Variants in GMDS observed in about 807,000 individuals in gnomAD.
GMDS encodes the protein GDP-mannose 4,6-dehydratase.
A neutral mutation model predicts 49.9 loss-of-function variants in GMDS; 20 were observed. The ratio of observed to expected loss-of-function variants is 0.40; its 90% CI spans 0.28 to 0.58. The LOEUF (loss-of-function observed/expected upper bound fraction) is 0.58, where lower values mean the gene tolerates loss of function less well. GMDS is among the 20% of genes least tolerant of loss of function. GMDS has a pLI of 0.42. For missense variants in GMDS, 362 were observed against 481.4 expected (o/e 0.75, Z 2.32); for synonymous variants, 177 against 178.6 (o/e 0.99, Z 0.07).
intron 10 of GMDS, 96 bp downstream of exon 10, chr6:1,624,376 G>C: frequency 7.6e-7 from 1 of 1,322,208 alleles, no homozygotes; most frequent in Non-Finnish European, 1.1e-6. Context: ...TCCGGGCTTT[G>C]GGCATCGCAG....
chr6:1,814,161 C>T (rs1408600261), intron 7 of GMDS, among the ~76,000 whole-genome samples: 7 of 152,142 alleles, frequency 4.6e-5, no homozygotes, highest in Non-Finnish European at 1.0e-4. Flanking sequence ...GCATAAGAGT[C>T]TGATTAAATG....
intron 7 of GMDS, among the ~76,000 whole-genome samples, chr6:1,906,820 G>A (rs943692635): frequency 5.9e-5 from 9 of 152,140 alleles, no homozygotes; most frequent in African/African-American, 1.2e-4. Context: ...TGTTCCCAAC[G>A]GTCCCAGGCT....
chr6:1,822,367 A>T (rs1770936398), intron 7 of GMDS, among the ~76,000 whole-genome samples: 1 of 152,220 alleles, frequency 6.6e-6, no homozygotes, highest in East Asian at 1.9e-4. Flanking sequence ...GGTAAGATTT[A>T]GGTCACATAT....
At chr6:2,209,072 G>A (rs1459949773) in intron 1 of GMDS, among the ~76,000 whole-genome samples, 1 of 152,120 alleles carries the variant, frequency 6.6e-6, no homozygotes, top group African/African-American at 2.4e-5. Context: ...TAAGTGTTCA[G>A]CAGGGCATTG....
At chr6:2,050,095 T>A (rs1012186761) in intron 4 of GMDS, among the ~76,000 whole-genome samples, 3 of 152,064 alleles carry the variant, frequency 2.0e-5, no homozygotes, top group Non-Finnish European at 4.4e-5. Flanking sequence ...CAGGAGCTGG[T>A]TTTTGGAAAA....
intron 4 of GMDS, among the ~76,000 whole-genome samples, chr6:2,047,190 G>C (rs910877069): frequency 6.6e-6 from 1 of 152,178 alleles, no homozygotes; most frequent in Non-Finnish European, 1.5e-5. Flanking sequence ...TATTGTAGCT[G>C]ACACTTGATA....
intron 4 of GMDS, among the ~76,000 whole-genome samples, chr6:2,109,286 G>A (rs1774413366): frequency 6.6e-6 from 1 of 152,182 alleles, no homozygotes; most frequent in Non-Finnish European, 1.5e-5. Flanking sequence ...TTGGGGTGGT[G>A]AGGGTCCAAT....
At chr6:2,100,041 C>G (rs1353724364) in intron 4 of GMDS, among the ~76,000 whole-genome samples, 4 of 152,022 alleles carry the variant, frequency 2.6e-5, no homozygotes, top group African/African-American at 9.7e-5. Context: ...GCCTCACATC[C>G]TATTTTACAG....
chr6:1,795,282 G>T (rs751607079), intron 7 of GMDS, among the ~76,000 whole-genome samples: 1 of 152,114 alleles, frequency 6.6e-6, no homozygotes, highest in Non-Finnish European at 1.5e-5. Context: ...AGACTCTGAG[G>T]TACAGATTTT....
chr6:2,073,949 C>T (rs1381856320), intron 4 of GMDS, among the ~76,000 whole-genome samples: 1 of 152,070 alleles, frequency 6.6e-6, no homozygotes, highest in Non-Finnish European at 1.5e-5. Context: ...ATTCACTTTC[C>T]TATTGTGAAT....
intron 8 of GMDS, among the ~76,000 whole-genome samples, chr6:1,738,186 TACACACATACAC>T (rs1157922670): frequency 7.4e-5 from 11 of 147,992 alleles, no homozygotes; most frequent in East Asian, 4.1e-4. Context: ...CACACACATA[TACACACATACAC>T]ACACACATAC....
chr6:1,752,014 A>G (rs1195694591), intron 7 of GMDS, among the ~76,000 whole-genome samples: 2 of 152,232 alleles, frequency 1.3e-5, no homozygotes, highest in African/African-American at 4.8e-5. Flanking sequence ...GCAAGGGAAC[A>G]AAACTGGACA....
chr6:1,823,952 G>A (rs1770999498), intron 7 of GMDS, among the ~76,000 whole-genome samples: 1 of 152,018 alleles, frequency 6.6e-6, no homozygotes, highest in Admixed American at 6.6e-5. Flanking sequence ...ACCTTCACTG[G>A]GGTATTCCCA....
intron 4 of GMDS, among the ~76,000 whole-genome samples, chr6:2,035,847 C>A (rs187127082): frequency 6.6e-6 from 1 of 151,928 alleles, no homozygotes; most frequent in Admixed American, 6.6e-5. Flanking sequence ...CCACCATGCC[C>A]GGCTAATTTT....
At chr6:2,089,584 T>C (rs1773202926) in intron 4 of GMDS, among the ~76,000 whole-genome samples, 1 of 152,154 alleles carries the variant, frequency 6.6e-6, no homozygotes, top group Non-Finnish European at 1.5e-5. Context: ...AGAGGTCTCA[T>C]CAGACTTTTT....
intron 4 of GMDS, among the ~76,000 whole-genome samples, chr6:2,091,393 T>C (rs1773303592): frequency 6.6e-6 from 1 of 152,222 alleles, no homozygotes; most frequent in East Asian, 1.9e-4. Context: ...TAAGTGATAA[T>C]GAGCTACAAG....
At chr6:1,908,867 G>C (rs1442309706) in intron 7 of GMDS, among the ~76,000 whole-genome samples, 1 of 152,142 alleles carries the variant, frequency 6.6e-6, no homozygotes, top group African/African-American at 2.4e-5. Flanking sequence ...TAAGATCCCA[G>C]GTCTGCACCT....
At chr6:2,176,202 A>G (rs898254875) in intron 1 of GMDS, among the ~76,000 whole-genome samples, 3 of 152,132 alleles carry the variant, frequency 2.0e-5, no homozygotes, top group South Asian at 2.1e-4. Flanking sequence ...CTGATTCACT[A>G]TATTTATTAA....
intron 4 of GMDS, among the ~76,000 whole-genome samples, chr6:2,018,192 T>C (rs139916171): frequency 9.9e-5 from 15 of 152,284 alleles, no homozygotes; most frequent in Admixed American, 8.5e-4. Context: ...ACATATAATC[T>C]GCCTTAAACT....
Sources: allele counts gnomAD v4.1 joint callset (sites outside exome capture counted in the v4.1 genomes callset), GRCh38; gene constraint gnomAD v4.1.1; transcripts MANE v1.5; gene names NCBI Gene and HGNC (gene_info 2026-07-23, HGNC 2026-07-21).